The following FRY variants were observed in gnomAD, a reference collection of about 807,000 sequenced individuals.
The protein encoded by FRY is FRY microtubule binding protein, also known as protein furry homolog.
Under a neutral mutation model 348.4 loss-of-function variants are expected in FRY, and 128 were observed. That is an observed-to-expected ratio of 0.37 (90% CI 0.32 to 0.43). The LOEUF (loss-of-function observed/expected upper bound fraction) is 0.43, where lower values mean the gene tolerates loss of function less well. Ranked by LOEUF, FRY falls within the 20% of genes least tolerant of loss-of-function variation. The pLI is 1.00. For synonymous variants in FRY, 1,370 were observed against 1,374.7 expected (o/e 1.00, Z 0.08); for missense variants, 2,736 against 3,695.2 (o/e 0.74, Z 6.73).
At position 32,117,219 on chromosome 13, in the gene FRY, T is replaced by C. The variant is rs1479495655; in HGVS notation, c.325-115T>C. 7 of 909,146 alleles carry C rather than the reference T, an allele frequency of 7.7e-6. No individual in the cohort carries two copies. In the Admixed American group the frequency reaches 8.0e-5, roughly 10 times the overall value. The allele number at this position is 909,146 out of a possible 1,614,324, so 56.3% of individuals were successfully genotyped here. On this transcript the variant is annotated intron_variant, in intron 3 of 60. Coordinates refer to ENST00000542859, the MANE Select transcript of FRY (RefSeq NM_023037.3). Reference sequence around the variant, plus strand: ...ATAAAGATTATGAAAGAAAGGACTGTGATACGGAAGAAAATATTTTAGTGA... The same window carrying C: ...ATAAAGATTATGAAAGAAAGGACTGCGATACGGAAGAAAATATTTTAGTGA...
chr13:32,252,689 T>G (rs1157865248), intron 50 of FRY, among the ~76,000 whole-genome samples: 1 of 152,156 alleles, frequency 6.6e-6, no homozygotes, highest in Non-Finnish European at 1.5e-5. Flanking sequence ...CATTTCTCGG[T>G]GGAGCTATTT....
intron 35 of FRY, among the ~76,000 whole-genome samples, chr13:32,215,976 A>G (rs1566139757): frequency 6.6e-6 from 1 of 152,212 alleles, no homozygotes; most frequent in East Asian, 1.9e-4. Flanking sequence ...ACCTGTATAA[A>G]TTTTGAACGG....
At chr13:32,142,097 C>T (rs998348779) in intron 11 of FRY, among the ~76,000 whole-genome samples, 1 of 152,104 alleles carries the variant, frequency 6.6e-6, no homozygotes, top group Admixed American at 6.5e-5. Context: ...TGAAAATATA[C>T]ATCAAGCACC....
chr13:32,089,142 A>T (rs1876085525), intron 2 of FRY, among the ~76,000 whole-genome samples: 1 of 152,230 alleles, frequency 6.6e-6, no homozygotes, highest in Non-Finnish European at 1.5e-5. Context: ...AGTTTTCAGC[A>T]ATAGCAAGTT....
At chr13:32,152,755 A>T (rs181265018) in intron 14 of FRY, among the ~76,000 whole-genome samples, 1 of 152,292 alleles carries the variant, frequency 6.6e-6, no homozygotes, top group East Asian at 1.9e-4. Context: ...TATACAAGAA[A>T]AAAGTTGATA....
chr13:32,201,611 T>A (rs1884033598), intron 29 of FRY, among the ~76,000 whole-genome samples: 1 of 128,164 alleles, frequency 7.8e-6, no homozygotes, highest in African/African-American at 2.9e-5. Flanking sequence ...TTTTCACTTG[T>A]TGGTTTGCAT....
chr13:32,282,928 G>A (rs1245292295), intron 58 of FRY, among the ~76,000 whole-genome samples: 1 of 152,104 alleles, frequency 6.6e-6, no homozygotes, highest in African/African-American at 2.4e-5. Context: ...GGATCACGAG[G>A]TCAGGAGTTT....
intron 57 of FRY, among the ~76,000 whole-genome samples, chr13:32,277,859 C>T (rs1888611260): frequency 6.6e-6 from 1 of 152,222 alleles, no homozygotes; most frequent in Admixed American, 6.5e-5. Context: ...ACTAATCTAG[C>T]CTTTAATGTC....
chr13:32,116,837 G>A lies in FRY; in HGVS notation c.325-497G>A, dbSNP rs925766056. Among the ~76,000 whole-genome samples the A allele has an allele frequency of 1.1e-4, 16 of 152,158 alleles. No homozygotes were observed. In the South Asian group the frequency reaches 3.3e-3, roughly 32 times the overall value. On this transcript the variant is annotated intron_variant, in intron 3 of 60. Transcript: ENST00000542859. ...CCATTTATATTTTGAGTCTAATTTG[G>A]GGCATACTTCAAATTAATGAATGAA...
At chr13:32,249,487 C>T in intron 48 of FRY, 39 bp from the exon 49 acceptor site, 1 of 1,610,660 alleles carries the variant, frequency 6.2e-7, no homozygotes, top group Non-Finnish European at 8.5e-7. Flanking sequence ...ATCACAAAAC[C>T]ATTGAGACAG....
chr13:32,161,217 A>G lies in FRY; in HGVS notation c.1858A>G (p.Met620Val). 2 of 1,612,598 alleles carry G rather than the reference A, an allele frequency of 1.2e-6. No homozygotes were observed. Among genetic ancestry groups the G allele is most frequent in the Non-Finnish European group, 1.7e-6 (2 of 1,178,652 alleles). Residue 620 changes from methionine (M) to valine (V), a missense_variant, in exon 17 of 61, where the codon ATG (methionine) becomes GTG (valine). By Grantham distance (21) the Met-to-Val change is conservative. Coordinates refer to ENST00000542859, the MANE Select transcript of FRY (RefSeq NM_023037.3). ...TATTCCTCGACTGCTTCCTGATGGG[A>G]TGTCAAAACTTGAACTTATTGACTT... Reference protein sequence around the residue: ...AAIPRLLPDGMSKLELIDLLA... With the variant: ...AAIPRLLPDGVSKLELIDLLA...
intron 20 of FRY, 133 bp from the exon 21 acceptor site, chr13:32,178,044 T>A: frequency 3.6e-6 from 3 of 839,692 alleles, no homozygotes; most frequent in Non-Finnish European, 6.0e-6. Flanking sequence ...GCAGGATTGG[T>A]GTTTCAGATT....
chr13:32,285,990 A>T (rs1889024443), intron 58 of FRY, among the ~76,000 whole-genome samples: 1 of 152,190 alleles, frequency 6.6e-6, no homozygotes. Flanking sequence ...CTTTGAAAGA[A>T]ATTTATGGCC....
At chr13:32,066,707 C>T (rs550409660) in intron 1 of FRY, among the ~76,000 whole-genome samples, 8 of 152,104 alleles carry the variant, frequency 5.3e-5, no homozygotes, top group Non-Finnish European at 1.2e-4. Flanking sequence ...TCCAAGCAGC[C>T]GCTTTTTCTC....
intron 12 of FRY, 129 bp downstream of exon 12, chr13:32,147,514 C>T: frequency 1.4e-6 from 1 of 712,716 alleles, no homozygotes; most frequent in Non-Finnish European, 2.6e-6. Context: ...GATCTAAGTC[C>T]TAAGGAACAT....
intron 1 of FRY, chr13:32,060,893 G>A (rs1381970744): frequency 2.8e-6 from 1 of 353,634 alleles, no homozygotes; most frequent in African/African-American, 2.1e-5. Flanking sequence ...TGGACGGAAG[G>A]CCTGTTTTAG....
At chr13:32,219,212 G>A (rs1232757472) in intron 36 of FRY, among the ~76,000 whole-genome samples, 1 of 149,404 alleles carries the variant, frequency 6.7e-6, no homozygotes, top group Non-Finnish European at 1.5e-5. Context: ...CCTCAGCCTC[G>A]TGAGTAGCTG....
At chr13:32,224,431 CT>C in intron 37 of FRY, 46 bp downstream of exon 37, 1 of 1,583,496 alleles carries the variant, frequency 6.3e-7, no homozygotes, top group East Asian at 2.2e-5. Flanking sequence ...TTTGACTGGA[CT>C]TTTCTACCTA....
rs2072069046 is a variant in FRY at position 32,296,742 on chromosome 13, C to T, written c.*1282C>T. 2 of 152,250 alleles carry T rather than the reference C, an allele frequency of 1.3e-5. No homozygotes were observed. The highest frequency in any genetic ancestry group is 1.3e-4 in the Admixed American group (2 of 15,286). The allele number at this position is 152,250 out of a possible 1,614,324, so 9.4% of individuals were successfully genotyped here. On this transcript the variant is annotated 3_prime_UTR_variant, in exon 61 of 61. Coordinates refer to ENST00000542859, the MANE Select transcript of FRY (RefSeq NM_023037.3). ...AAAGTAATAACCCCAAGGGGCACCC[C>T]TCGCATGTATGATCTGAATGGCACC...
Sources: allele counts gnomAD v4.1 joint callset (sites outside exome capture counted in the v4.1 genomes callset), GRCh38; gene constraint gnomAD v4.1.1; transcripts MANE v1.5; gene names NCBI Gene and HGNC (gene_info 2026-07-23, HGNC 2026-07-21).